The following SPIDR variants were observed in gnomAD, a reference collection of about 807,000 sequenced individuals.
The protein encoded by SPIDR is DNA repair-scaffolding protein.
A neutral mutation model predicts 104.6 loss-of-function variants in SPIDR; 93 were observed. That is an observed-to-expected ratio of 0.89 (90% CI 0.75 to 1.06). SPIDR has a LOEUF of 1.06. SPIDR is among the 50% of genes least tolerant of loss of function. SPIDR has a pLI of 0.00. For synonymous variants in SPIDR, 431 were observed against 416.9 expected, an observed-to-expected ratio of 1.03 and a Z score of -0.41; for missense variants, 1,154 against 1,111.2, an observed-to-expected ratio of 1.04 and a Z score of -0.55.
At chr8:47,313,360 G>T (rs1179513026) in intron 5 of SPIDR, among the ~76,000 whole-genome samples, 2 of 152,112 alleles carry the variant, frequency 1.3e-5, no homozygotes, top group African/African-American at 4.8e-5. Flanking sequence ...TACAAGGGAC[G>T]TGAAGGACCT....
At chr8:47,397,179 A>C (rs2061338700) in intron 6 of SPIDR, among the ~76,000 whole-genome samples, 1 of 152,100 alleles carries the variant, frequency 6.6e-6, no homozygotes, top group Non-Finnish European at 1.5e-5. Flanking sequence ...TTGACCAAAC[A>C]ATGCCAAGCA....
chr8:47,440,249 A>G (rs2069151793), intron 7 of SPIDR, 74 bp from the exon 8 acceptor site: 1 of 1,347,238 alleles, frequency 7.4e-7, no homozygotes, highest in South Asian at 1.3e-5. Context: ...TCTTTTTTTC[A>G]TGACACTTTA....
At chr8:47,550,008 T>C (rs1049768276) in intron 8 of SPIDR, among the ~76,000 whole-genome samples, 1 of 152,228 alleles carries the variant, frequency 6.6e-6, no homozygotes, top group Admixed American at 6.5e-5. Flanking sequence ...CCCAGCACCA[T>C]TTATTAAATA....
chr8:47,367,351 A>G (rs565497592), intron 5 of SPIDR, among the ~76,000 whole-genome samples: 1 of 152,336 alleles, frequency 6.6e-6, no homozygotes, highest in Non-Finnish European at 1.5e-5. Context: ...ATTTTTCTCC[A>G]GAGCTCCCAG....
intron 14 of SPIDR, among the ~76,000 whole-genome samples, chr8:47,711,614 C>T (rs946604398): frequency 6.6e-6 from 1 of 152,048 alleles, no homozygotes; most frequent in African/African-American, 2.4e-5. Flanking sequence ...TCTCAGTGGA[C>T]AGAGGAAGGA....
chr8:47,294,035 G>A lies in SPIDR; in HGVS notation c.525+5G>A. ...AAGCTGTCGGAGCTTCCCAAGGTAA[G>A]AATGAAGTATTTCAAAACTTTTATT... On this transcript the variant is annotated splice_donor_5th_base_variant and intron_variant, in intron 5 of 19. Coordinates refer to ENST00000297423, the MANE Select transcript of SPIDR (RefSeq NM_001080394.4). 1 of 1,606,854 alleles carries A rather than the reference G, an allele frequency of 6.2e-7. No homozygotes were observed. The highest frequency in any genetic ancestry group is 8.5e-7 in the Non-Finnish European group (1 of 1,177,556).
intron 5 of SPIDR, among the ~76,000 whole-genome samples, chr8:47,347,914 G>C (rs1647631304): frequency 6.6e-6 from 1 of 152,138 alleles, no homozygotes; most frequent in African/African-American, 2.4e-5. Flanking sequence ...TTGCTCGTCT[G>C]TGTCTTTTAA....
intron 6 of SPIDR, among the ~76,000 whole-genome samples, chr8:47,403,332 A>G (rs1043031026): frequency 7.2e-5 from 11 of 152,218 alleles, no homozygotes; most frequent in Non-Finnish European, 1.3e-4. Context: ...CCTATTCAAC[A>G]TAGCGTTGGA....
chr8:47,689,073 T>C (rs988724924), intron 11 of SPIDR, among the ~76,000 whole-genome samples: 2 of 152,194 alleles, frequency 1.3e-5, no homozygotes, highest in African/African-American at 4.8e-5. Context: ...TAGTCCTTCA[T>C]TGGTTGTGTA....
intron 8 of SPIDR, among the ~76,000 whole-genome samples, chr8:47,545,091 CTTTCTTTCTTTCTTTCTTTCTTTCTTTCT>C (rs2089031015): frequency 7.7e-6 from 1 of 129,478 alleles, no homozygotes; most frequent in Non-Finnish European, 1.6e-5. Context: ...TTCTTTCTTT[CTTTCTTTCTTTCTTTCTTTCTTTCTTTCT>C]TTTTTTTTTT....
At chr8:47,306,123 T>C (rs1361054625) in intron 5 of SPIDR, among the ~76,000 whole-genome samples, 2 of 152,180 alleles carry the variant, frequency 1.3e-5, no homozygotes, top group Non-Finnish European at 2.9e-5. Flanking sequence ...TCCTTAAGGT[T>C]AATCCATGTT....
rs2040384186 is a variant in SPIDR at position 47,293,929 on chromosome 8, G to T, written c.424G>T (p.Glu142Ter). The T allele has an allele frequency of 6.2e-7, 1 of 1,614,140 alleles. No individual in the cohort carries two copies. The highest frequency in any genetic ancestry group is 8.5e-7 in the Non-Finnish European group (1 of 1,180,018). ...CAGGGCAGAGGCTAGTGACTGTGAT[G>T]AATTTGAAGATGACGAGGGTGCTGT... is the stretch of plus-strand genomic sequence containing the variant. ...SDRAEASDCD[E>*]FEDDEGAVEI... is the part of the protein sequence containing the mutation. Residue 142 changes from glutamate (E) to a stop codon, truncating the protein, a stop_gained, in exon 5 of 20, where the codon GAA becomes TAA. Transcript: ENST00000297423. LOFTEE classifies it high-confidence loss of function.
chr8:47,636,008 A>C (rs1193233550), intron 10 of SPIDR, among the ~76,000 whole-genome samples: 2 of 152,218 alleles, frequency 1.3e-5, no homozygotes, highest in Non-Finnish European at 2.9e-5. Flanking sequence ...GCTTCACTTT[A>C]CTGCACTTTG....
intron 5 of SPIDR, among the ~76,000 whole-genome samples, chr8:47,329,530 T>C (rs782750458): frequency 2.6e-5 from 4 of 152,114 alleles, no homozygotes; most frequent in Non-Finnish European, 2.9e-5. Context: ...TGAGTGAGAT[T>C]TCATGGGTTG....
chr8:47,398,527 C>T (rs1015177967), intron 6 of SPIDR, among the ~76,000 whole-genome samples: 3 of 152,132 alleles, frequency 2.0e-5, no homozygotes, highest in Non-Finnish European at 2.9e-5. Context: ...GAGGAGATGC[C>T]TCATTGAGCA....
chr8:47,653,866 A>T (rs930925094), intron 10 of SPIDR: 1 of 650,242 alleles, frequency 1.5e-6, no homozygotes, highest in Non-Finnish European at 1.9e-6. Flanking sequence ...AGACAAAAAA[A>T]AAACAAACCA....
intron 8 of SPIDR, among the ~76,000 whole-genome samples, chr8:47,451,010 C>G (rs971526918): frequency 1.3e-5 from 2 of 152,038 alleles, no homozygotes; most frequent in African/African-American, 4.8e-5. Context: ...CAAAAAATTA[C>G]AAAACACACA....
chr8:47,707,889 C>T (rs1293235147), intron 14 of SPIDR, among the ~76,000 whole-genome samples: 1 of 152,098 alleles, frequency 6.6e-6, no homozygotes, highest in Non-Finnish European at 1.5e-5. Context: ...GCACTTTTGT[C>T]AAAAATTAAT....
At chr8:47,687,513 G>T (rs2077975054) in intron 11 of SPIDR, among the ~76,000 whole-genome samples, 1 of 152,160 alleles carries the variant, frequency 6.6e-6, no homozygotes, top group South Asian at 2.1e-4. Flanking sequence ...TGTATCTCCT[G>T]TATGTATTGA....
Sources: gnomAD v4.1 joint callset for allele counts (sites outside exome capture counted in the v4.1 genomes callset) on GRCh38, gnomAD v4.1.1 for gene constraint, MANE v1.5 for transcripts, NCBI Gene and HGNC (gene_info 2026-07-23, HGNC 2026-07-21) for gene names.